The following PRKCZ variants were observed in gnomAD, a reference collection of about 807,000 sequenced individuals.
The protein encoded by PRKCZ is protein kinase C zeta type.
In PRKCZ, 33 loss-of-function variants were observed where a neutral mutation model predicts 79.5. That is an observed-to-expected ratio of 0.41 (90% CI 0.31 to 0.55). PRKCZ has a LOEUF of 0.55. PRKCZ is among the 20% of genes least tolerant of loss of function. The probability of loss-of-function intolerance (pLI) is 0.19; values close to 1 mark genes in which losing one functional copy is unlikely to be tolerated. For synonymous variants in PRKCZ, 342 were observed against 320.9 expected (o/e 1.07, Z -0.70); for missense variants, 578 against 813.5 (o/e 0.71, Z 3.52).
chr1:2,156,099 A>G lies in PRKCZ; in HGVS notation c.974+7A>G, dbSNP rs1157299655. The G allele has an allele frequency of 6.2e-7, 1 of 1,603,416 alleles. No homozygotes were observed. Among genetic ancestry groups the G allele is most frequent in the Non-Finnish European group, 8.5e-7 (1 of 1,170,594 alleles). Reference sequence around the variant, plus strand: ...GCTTCCAGACGACAAGTCGGTAAGAAAAAGAAGGGTATTTCTGATATTCTG... The same window carrying G: ...GCTTCCAGACGACAAGTCGGTAAGAGAAAGAAGGGTATTTCTGATATTCTG... On this transcript the variant is annotated splice_region_variant and intron_variant, in intron 10 of 17. Coordinates refer to ENST00000378567, the MANE Select transcript of PRKCZ (RefSeq NM_002744.6).
chr1:2,160,903 G>C (rs1238874338), intron 10 of PRKCZ, among the ~76,000 whole-genome samples: 1 of 152,114 alleles, frequency 6.6e-6, no homozygotes, highest in Non-Finnish European at 1.5e-5. Flanking sequence ...GTGAGGGTGT[G>C]ACGGGGTCTG....
chr1:2,158,486 G>T (rs971651922), intron 10 of PRKCZ, among the ~76,000 whole-genome samples: 7 of 152,294 alleles, frequency 4.6e-5, no homozygotes, highest in Admixed American at 2.0e-4. Context: ...CCTGCTTCCC[G>T]GAGTGAGTCA....
In PRKCZ at chr1:2,144,780, G is replaced by A. The variant is rs573218596; in HGVS notation, c.552+439G>A. ...GCCATGCCCAGCCTGTGATGAGGGC[G>A]GCACCTTCCCTCCGCCATCCCCGAG... On this transcript the variant is annotated intron_variant, in intron 6 of 17. Transcript: ENST00000378567. The A allele has an allele frequency of 3.3e-4, 115 of 348,250 alleles. 1 individual carries two copies. The highest frequency in any genetic ancestry group is 3.2e-3 in the South Asian group (35 of 11,074). 21.6% of individuals were successfully genotyped at this position (348,250 alleles called of 1,614,324 possible).
At chr1:2,132,153 A>G (rs957036531) in intron 4 of PRKCZ, among the ~76,000 whole-genome samples, 1 of 152,148 alleles carries the variant, frequency 6.6e-6, no homozygotes, top group East Asian at 1.9e-4. Context: ...GTTTGGTTCT[A>G]TAGCAATGGC....
rs1260095005 is a variant in PRKCZ at position 2,125,022 on chromosome 1, C to A, written c.335-10240C>A. Among the ~76,000 whole-genome samples, 1 of 152,200 alleles carries A rather than the reference C, an allele frequency of 6.6e-6. No individual in the cohort carries two copies. The highest frequency in any genetic ancestry group is 1.5e-5 in the Non-Finnish European group (1 of 68,032). ...TATTGTGACTCAGCCGCACGTCCTC[C>A]CAGGGGCCTTGCCAGCCTGGCTCTG... On this transcript the variant is annotated intron_variant, in intron 4 of 17. Coordinates refer to ENST00000378567, the MANE Select transcript of PRKCZ (RefSeq NM_002744.6). The surrounding 1 kb of genome is among the most constrained non-coding windows in gnomAD (Gnocchi z 4.2).
chr1:2,093,099 A>G (rs1665808749), intron 4 of PRKCZ, among the ~76,000 whole-genome samples: 2 of 152,218 alleles, frequency 1.3e-5, no homozygotes, highest in African/African-American at 4.8e-5. Flanking sequence ...GGAACTCAAG[A>G]GAAAAGTTCA....
chr1:2,172,187 C>T lies in PRKCZ; in HGVS notation c.1194C>T (p.Cys398=), dbSNP rs1435268580. The change falls in exon 12 of 18, where the codon TGC becomes TGT. Residue 398 remains cysteine, a synonymous_variant. Transcript: ENST00000378567. The surrounding 1 kb of genome is among the most constrained non-coding windows in gnomAD (Gnocchi z 7.8). ...TCAAGCTCACAGACTACGGCATGTG[C>T]AAGGTGCGTGCCTTGGACCGCCTCC... The part of the protein sequence containing the change: ...GHIKLTDYGM[C]KEGLGPGDTT... The T allele has an allele frequency of 1.2e-6, 2 of 1,613,124 alleles. No individual in the cohort carries two copies. Among genetic ancestry groups the T allele is most frequent in the Non-Finnish European group, 1.7e-6 (2 of 1,179,904 alleles).
At chr1:2,129,159 A>G (rs946463637) in intron 4 of PRKCZ, among the ~76,000 whole-genome samples, 2 of 152,096 alleles carry the variant, frequency 1.3e-5, no homozygotes, top group East Asian at 3.9e-4. Flanking sequence ...CTTCTAGTCA[A>G]TTGCCTGAAG....
At chr1:2,131,468 T>C (rs1338818988) in intron 4 of PRKCZ, among the ~76,000 whole-genome samples, 1 of 152,150 alleles carries the variant, frequency 6.6e-6, no homozygotes, top group African/African-American at 2.4e-5. Context: ...AAACCAACCC[T>C]TAAAGTTTAA....
chr1:2,153,899 A>G (rs765843281), intron 9 of PRKCZ, among the ~76,000 whole-genome samples: 3 of 152,166 alleles, frequency 2.0e-5, no homozygotes, highest in Non-Finnish European at 4.4e-5. Flanking sequence ...CCCCACAAAA[A>G]GACTGCACTC....
At chr1:2,074,585 G>T in intron 4 of PRKCZ, 2 of 514,094 alleles carry the variant, frequency 3.9e-6, no homozygotes, top group Non-Finnish European at 7.0e-6. Flanking sequence ...CCAGGCCTGC[G>T]GTCTTTCCGT....
chr1:2,053,249 C>T (rs116911074), intron 1 of PRKCZ, among the ~76,000 whole-genome samples: 6,131 of 152,148 alleles, frequency 0.04, 264 homozygotes, highest in East Asian at 0.18. Flanking sequence ...TACAGACGCC[C>T]GCCACCACGC....
chr1:2,064,629 T>G (rs1027078169), intron 4 of PRKCZ, among the ~76,000 whole-genome samples: 6 of 152,228 alleles, frequency 3.9e-5, no homozygotes, highest in Non-Finnish European at 8.8e-5. Flanking sequence ...GACTCCCCAT[T>G]GGACTGCATT....
rs561822505 is a variant in PRKCZ at position 2,142,809 on chromosome 1, G to T, written c.421-1401G>T. 1.4e-4 allele frequency: 22 copies of T among 153,654 alleles called. 1 individual carries two copies. In the South Asian group the frequency reaches 3.7e-3, roughly 26 times the overall value. 9.5% of individuals were successfully genotyped at this position (153,654 alleles called of 1,614,324 possible). A position where few individuals can be genotyped will look rare whatever the true frequency, so the allele number is the denominator to read the frequency against. ...AAACAAGTGGGCTGTGTGGGCGGGG[G>T]GAGGGTCCCCGGGCCCTGACGTCCC... On this transcript the variant is annotated intron_variant, in intron 5 of 17. Transcript: ENST00000378567.
intron 4 of PRKCZ, among the ~76,000 whole-genome samples, chr1:2,121,325 C>T (rs994304824): frequency 3.3e-5 from 5 of 152,150 alleles, no homozygotes; most frequent in East Asian, 3.8e-4. Context: ...GCGAACAAGG[C>T]GTGTACTTCC....
intron 4 of PRKCZ, among the ~76,000 whole-genome samples, chr1:2,132,913 G>A (rs561702314): frequency 1.4e-3 from 208 of 152,186 alleles, no homozygotes; most frequent in Non-Finnish European, 1.9e-3. Flanking sequence ...CTCAAGTTCT[G>A]GAGGCGTGGG....
intron 4 of PRKCZ, among the ~76,000 whole-genome samples, chr1:2,085,026 AG>A (rs764013236): frequency 6.7e-6 from 1 of 149,406 alleles, no homozygotes; most frequent in African/African-American, 2.5e-5. Context: ...AAAAAAAAAA[AG>A]ATGCAGGTCA....
At chr1:2,061,357 C>T (rs760218081) in intron 4 of PRKCZ, among the ~76,000 whole-genome samples, 12 of 145,838 alleles carry the variant, frequency 8.2e-5, no homozygotes, top group Non-Finnish European at 1.6e-4. Context: ...GCCGGCCTTG[C>T]GTAGGGAAGG....
intron 3 of PRKCZ, 66 bp from the exon 4 acceptor site, chr1:2,059,474 TC>T: frequency 6.3e-7 from 1 of 1,584,770 alleles, no homozygotes; most frequent in Non-Finnish European, 8.7e-7. Flanking sequence ...AGGCGGGACT[TC>T]CTCCGTGAGA....
Sources: gnomAD v4.1 joint callset for allele counts (sites outside exome capture counted in the v4.1 genomes callset) on GRCh38, gnomAD v4.1.1 for gene constraint, Gnocchi (gnomAD v3.1) non-coding constraint, MANE v1.5 for transcripts, NCBI Gene and HGNC (gene_info 2026-07-23, HGNC 2026-07-21) for gene names.